The following GPC6 variants were observed in gnomAD, a reference collection of about 807,000 sequenced individuals.
GPC6 encodes the protein glypican-6.
GPC6 carries 14 observed loss-of-function variants against 55.2 expected under a neutral mutation model. That is an observed-to-expected ratio of 0.25 (90% CI 0.17 to 0.40). GPC6 has a LOEUF of 0.40. Among genes scored for constraint, GPC6 ranks in the 10% least tolerant of loss-of-function variants. The probability of loss-of-function intolerance (pLI) is 1.00; values close to 1 mark genes in which losing one functional copy is unlikely to be tolerated. For synonymous variants in GPC6, 278 were observed against 259.6 expected (o/e 1.07, Z -0.68); for missense variants, 641 against 708.5 (o/e 0.90, Z 1.08).
intron 4 of GPC6, among the ~76,000 whole-genome samples, chr13:94,224,716 A>G (rs1040497794): frequency 1.3e-5 from 2 of 152,072 alleles, no homozygotes; most frequent in African/African-American, 4.8e-5. Flanking sequence ...AGCTTGGCTA[A>G]CTTTCTCAAA....
At chr13:94,042,841 T>A (rs1883589763) in intron 4 of GPC6, among the ~76,000 whole-genome samples, 1 of 151,902 alleles carries the variant, frequency 6.6e-6, no homozygotes, top group African/African-American at 2.4e-5. Flanking sequence ...GATTTTATAT[T>A]TCCTTTTTTC....
chr13:93,500,386 G>A (rs1372612563), intron 1 of GPC6, among the ~76,000 whole-genome samples: 6 of 152,284 alleles, frequency 3.9e-5, no homozygotes, highest in Admixed American at 2.0e-4. Flanking sequence ...GCTTCAGATC[G>A]TTGGAATAAA....
At chr13:94,345,619 C>T (rs1183279683) in intron 6 of GPC6, among the ~76,000 whole-genome samples, 1 of 152,146 alleles carries the variant, frequency 6.6e-6, no homozygotes, top group African/African-American at 2.4e-5. Context: ...TCTAAGTTTG[C>T]TAGAGGCTCA....
At position 94,262,160 on chromosome 13, in the gene GPC6, A is replaced by G. The variant is rs539418863; in HGVS notation, c.878-24189A>G. Among the ~76,000 whole-genome samples the G allele has an allele frequency of 5.9e-5, 9 of 152,262 alleles. No individual in the cohort carries two copies. In the South Asian group the frequency reaches 1.9e-3, roughly 32 times the overall value. ...AATGTTTCAGCACAGAGCTGGGCAT[A>G]TGGTATTTGCTCAACAGATGCTTAT... On this transcript the variant is annotated intron_variant, in intron 4 of 8. Transcript: ENST00000377047.
intron 1 of GPC6, among the ~76,000 whole-genome samples, chr13:93,332,032 TG>T (rs1879866531): frequency 6.6e-6 from 1 of 151,288 alleles, no homozygotes; most frequent in African/African-American, 2.5e-5. Flanking sequence ...GCAAATGACA[TG>T]AGTTCATTCT....
chr13:94,077,944 C>T (rs1014547869), intron 4 of GPC6, among the ~76,000 whole-genome samples: 6 of 151,678 alleles, frequency 4.0e-5, no homozygotes. Flanking sequence ...ACATTCTACC[C>T]AACAGTGGCA....
intron 4 of GPC6, among the ~76,000 whole-genome samples, chr13:94,139,179 A>G (rs755671067): frequency 1.4e-4 from 21 of 152,116 alleles, no homozygotes; most frequent in Non-Finnish European, 2.2e-4. Context: ...TGTAAACTAG[A>G]TAAGGCTAAA....
rs543254215 is a variant in GPC6, at chr13:93,420,028, C to T, written c.161-125235C>T. 5.2e-4 allele frequency among the ~76,000 whole-genome samples: 78 copies of T among 151,372 alleles called. 1 individual carries two copies. In the South Asian group the frequency reaches 0.016, roughly 31 times the overall value. On this transcript the variant is annotated intron_variant, in intron 1 of 8. Transcript: ENST00000377047. ...CATAATATCTAATAATATCCAACCC[C>T]AACACACACACACGATAGAACAACA...
chr13:93,527,766 G>A (rs544311996), intron 1 of GPC6, among the ~76,000 whole-genome samples: 2 of 152,218 alleles, frequency 1.3e-5, no homozygotes, highest in African/African-American at 2.4e-5. Context: ...TTACCTATGG[G>A]CATCCATCTT....
intron 6 of GPC6, among the ~76,000 whole-genome samples, chr13:94,348,692 ACTC>A (rs1282089585): frequency 6.6e-6 from 1 of 151,878 alleles, no homozygotes; most frequent in Non-Finnish European, 1.5e-5. Context: ...CCTCCTCTGA[ACTC>A]CTATAGCACA....
At chr13:94,328,313 T>C (rs1319934607) in intron 6 of GPC6, among the ~76,000 whole-genome samples, 2 of 152,222 alleles carry the variant, frequency 1.3e-5, no homozygotes, top group Non-Finnish European at 2.9e-5. Flanking sequence ...CTTTTCCATC[T>C]TTCCATGCCC....
intron 1 of GPC6, among the ~76,000 whole-genome samples, chr13:93,540,819 TCTC>T (rs1311749039): frequency 6.6e-6 from 1 of 152,134 alleles, no homozygotes; most frequent in African/African-American, 2.4e-5. Context: ...CTTTAACAAA[TCTC>T]CTTATCAAAG....
At chr13:93,460,369 C>A (rs115813365) in intron 1 of GPC6, among the ~76,000 whole-genome samples, 119 of 152,184 alleles carry the variant, frequency 7.8e-4, no homozygotes, top group African/African-American at 2.7e-3. Flanking sequence ...GAATCTTTTG[C>A]CATAATATTT....
chr13:94,019,112 T>C (rs1882602222), intron 3 of GPC6, among the ~76,000 whole-genome samples: 1 of 152,222 alleles, frequency 6.6e-6, no homozygotes, highest in Non-Finnish European at 1.5e-5. Context: ...TCTTCTGTTT[T>C]TTGGAAGAGT....
At chr13:93,967,590 C>T (rs1171361761) in intron 3 of GPC6, among the ~76,000 whole-genome samples, 1 of 152,126 alleles carries the variant, frequency 6.6e-6, no homozygotes, top group African/African-American at 2.4e-5. Context: ...TTCCCCTCAC[C>T]TGCCTGAGTT....
chr13:93,950,569 T>A (rs1879208402), intron 3 of GPC6, among the ~76,000 whole-genome samples: 1 of 152,206 alleles, frequency 6.6e-6, no homozygotes, highest in Non-Finnish European at 1.5e-5. Flanking sequence ...ATCCCACTTG[T>A]CCTTAACAGT....
At chr13:94,244,793 GA>G (rs1891150592) in intron 4 of GPC6, among the ~76,000 whole-genome samples, 1 of 152,032 alleles carries the variant, frequency 6.6e-6, no homozygotes, top group East Asian at 1.9e-4. Flanking sequence ...CAGAATGTGA[GA>G]GGGGGATGTA....
At chr13:93,272,490 GTGTA>G (rs1446126346) in intron 1 of GPC6, among the ~76,000 whole-genome samples, 52 of 95,400 alleles carry the variant, frequency 5.5e-4, no homozygotes, top group East Asian at 1.5e-3. Context: ...CATTGTCTGT[GTGTA>G]TATATATATA....
intron 4 of GPC6, among the ~76,000 whole-genome samples, chr13:94,209,341 C>T (rs1215043163): frequency 6.6e-6 from 1 of 152,096 alleles, no homozygotes; most frequent in Non-Finnish European, 1.5e-5. Flanking sequence ...TGTAATGGTT[C>T]CCTGGAGCTA....
Sources: allele counts gnomAD v4.1 joint callset (sites outside exome capture counted in the v4.1 genomes callset), GRCh38; gene constraint gnomAD v4.1.1; transcripts MANE v1.5; gene names NCBI Gene and HGNC (gene_info 2026-07-23, HGNC 2026-07-21).